ASAP1: variants seen among roughly 807,000 people sequenced by gnomAD.
ASAP1 encodes the protein arf-GAP with SH3 domain, ANK repeat and PH domain-containing protein 1.
ASAP1 carries 43 observed loss-of-function variants against 145.2 expected under a neutral mutation model. The ratio of observed to expected loss-of-function variants is 0.30; its 90% CI spans 0.23 to 0.38. The LOEUF (loss-of-function observed/expected upper bound fraction) is 0.38. Ranked by LOEUF, ASAP1 falls within the 10% of genes least tolerant of loss-of-function variation. The pLI is 1.00. For missense variants in ASAP1, 1,018 were observed against 1,355.3 expected, an observed-to-expected ratio of 0.75 and a Z score of 3.91; for synonymous variants, 546 against 515.5, an observed-to-expected ratio of 1.06 and a Z score of -0.80.
chr8:130,059,763 TGCA>T (rs2097413808), intron 28 of ASAP1, among the ~76,000 whole-genome samples: 1 of 152,082 alleles, frequency 6.6e-6, no homozygotes, highest in South Asian at 2.1e-4. Flanking sequence ...TTTAGGAAGA[TGCA>T]GCGAGAAAGT....
chr8:130,196,989 G>T (rs1815538469), intron 5 of ASAP1, among the ~76,000 whole-genome samples: 1 of 152,198 alleles, frequency 6.6e-6, no homozygotes, highest in African/African-American at 2.4e-5. Context: ...GCTTTCCAAG[G>T]TACTGTGATA....
intron 24 of ASAP1, among the ~76,000 whole-genome samples, chr8:130,099,128 C>T (rs2097524179): frequency 6.6e-6 from 1 of 151,196 alleles, no homozygotes; most frequent in Admixed American, 6.6e-5. Flanking sequence ...ATCCTCCTAC[C>T]TCAGTCTGCC....
chr8:130,272,088 T>C (rs998662753), intron 3 of ASAP1, among the ~76,000 whole-genome samples: 2 of 152,032 alleles, frequency 1.3e-5, no homozygotes, highest in African/African-American at 2.4e-5. Flanking sequence ...TTGCTTGAGC[T>C]TGGGAGATCA....
rs7007010 is a variant in ASAP1 at position 130,198,953 on chromosome 8, A to G, written c.406-10770T>C. ...GAGTCCCTCTACCCATTCTCACTGC[A>G]CTACAACTCCTTTTGGCTTCTCAAC... On this transcript the variant is annotated intron_variant, in intron 5 of 29. Transcript: ENST00000518721. Among the ~76,000 whole-genome samples, 57 of 152,248 alleles carry G rather than the reference A, an allele frequency of 3.7e-4. No homozygotes were observed. In the South Asian group the frequency reaches 4.4e-3, roughly 12 times the overall value.
intron 2 of ASAP1, among the ~76,000 whole-genome samples, chr8:130,376,092 C>G (rs1827476943): frequency 6.6e-6 from 1 of 152,178 alleles, no homozygotes; most frequent in African/African-American, 2.4e-5. Flanking sequence ...AATGTGGGCT[C>G]CCAGATGCAC....
At chr8:130,375,920 T>G (rs1183940649) in intron 2 of ASAP1, among the ~76,000 whole-genome samples, 1 of 152,176 alleles carries the variant, frequency 6.6e-6, no homozygotes, top group Non-Finnish European at 1.5e-5. Flanking sequence ...AAAACATACA[T>G]TTCCATGTGA....
chr8:130,344,914 C>T (rs1004374637), intron 3 of ASAP1, among the ~76,000 whole-genome samples: 4 of 152,080 alleles, frequency 2.6e-5, no homozygotes, highest in African/African-American at 7.2e-5. Flanking sequence ...TAATAAAACC[C>T]GTATGTTTTA....
At chr8:130,443,092 C>T (rs1048227241) in intron 1 of ASAP1, among the ~76,000 whole-genome samples, 4 of 152,064 alleles carry the variant, frequency 2.6e-5, no homozygotes, top group Non-Finnish European at 5.9e-5. Flanking sequence ...TCGGCGGGGT[C>T]CGGGCCGCCA....
chr8:130,356,640 C>T (rs1376124341), intron 3 of ASAP1, among the ~76,000 whole-genome samples: 2 of 152,150 alleles, frequency 1.3e-5, no homozygotes, highest in African/African-American at 4.8e-5. Flanking sequence ...GTCCCATCAC[C>T]CAATACTGAC....
intron 3 of ASAP1, among the ~76,000 whole-genome samples, chr8:130,257,099 ATACAG>A (rs2136933918): frequency 6.6e-6 from 1 of 152,200 alleles, no homozygotes; most frequent in African/African-American, 2.4e-5. Context: ...CACGCTGATA[ATACAG>A]TAAAGTCACA....
At chr8:130,300,141 C>CAGAG (rs1565185838) in intron 3 of ASAP1, among the ~76,000 whole-genome samples, 45 of 117,940 alleles carry the variant, frequency 3.8e-4, no homozygotes, top group African/African-American at 1.6e-3. Flanking sequence ...CACACACACA[C>CAGAG]ACACACACAC....
intron 1 of ASAP1, among the ~76,000 whole-genome samples, chr8:130,421,250 C>G (rs1829707540): frequency 6.6e-6 from 1 of 152,172 alleles, no homozygotes; most frequent in African/African-American, 2.4e-5. Context: ...TCTCTCCAGA[C>G]TAGGGGTTGG....
chr8:130,281,880 C>T (rs966366837), intron 3 of ASAP1, among the ~76,000 whole-genome samples: 2 of 152,132 alleles, frequency 1.3e-5, no homozygotes, highest in African/African-American at 2.4e-5. Context: ...ACCTGGCCAA[C>T]ATAGTGAAAC....
At chr8:130,425,141 G>T (rs1419434954) in intron 1 of ASAP1, among the ~76,000 whole-genome samples, 3 of 152,094 alleles carry the variant, frequency 2.0e-5, no homozygotes, top group Non-Finnish European at 4.4e-5. Context: ...AGATCAGCCT[G>T]GCCAACATGG....
intron 3 of ASAP1, among the ~76,000 whole-genome samples, chr8:130,354,358 C>T (rs1826179861): frequency 6.6e-6 from 1 of 152,096 alleles, no homozygotes; most frequent in Non-Finnish European, 1.5e-5. Context: ...TGCCATGTGT[C>T]GACAGCAGGC....
At position 130,228,121 on chromosome 8, in the gene ASAP1, T is replaced by A. The variant is rs143713855; in HGVS notation, c.259+8801A>T. The stretch of plus-strand genomic sequence containing the variant: ...CAGACAAGAAAAAAAATCATCTCTG[T>A]TTCACTGGTAGAAAAACCAAGGTCC... On this transcript the variant is annotated intron_variant, in intron 4 of 29. Transcript: ENST00000518721. Among the ~76,000 whole-genome samples the A allele has an allele frequency of 3.8e-3, 586 of 152,256 alleles. 4 individuals are homozygous for A. Among genetic ancestry groups the A allele is most frequent in the African/African-American group, 0.014 (562 of 41,534 alleles).
chr8:130,400,943 T>C (rs11784539), intron 2 of ASAP1, among the ~76,000 whole-genome samples: 33,756 of 151,616 alleles, frequency 0.22, 3,910 homozygotes, highest in South Asian at 0.36. Flanking sequence ...TGCAACAGTG[T>C]GATCTTGGCC....
chr8:130,373,317 T>C (rs1372333919), intron 2 of ASAP1, among the ~76,000 whole-genome samples: 1 of 152,172 alleles, frequency 6.6e-6, no homozygotes, highest in Non-Finnish European at 1.5e-5. Context: ...TCTCTTACCA[T>C]ACTCAAAATT....
At chr8:130,058,927 A>C (rs1458817337) in intron 28 of ASAP1, among the ~76,000 whole-genome samples, 3 of 152,168 alleles carry the variant, frequency 2.0e-5, no homozygotes, top group Non-Finnish European at 4.4e-5. Flanking sequence ...TGCGTGAGCA[A>C]CTGAGAGGCC....
Sources: allele counts gnomAD v4.1 joint callset (sites outside exome capture counted in the v4.1 genomes callset), GRCh38; gene constraint gnomAD v4.1.1; transcripts MANE v1.5; gene names NCBI Gene and HGNC (gene_info 2026-07-23, HGNC 2026-07-21).